Variants in GRB10 observed in about 807,000 individuals in gnomAD.
GRB10 encodes growth factor receptor bound protein 10.
A neutral mutation model predicts 80.9 loss-of-function variants in GRB10; 20 were observed. The observed-to-expected ratio is 0.25, with a 90% CI of 0.17 to 0.36. The LOEUF is 0.36. Among genes scored for constraint, GRB10 ranks in the 10% least tolerant of loss-of-function variants. GRB10 has a pLI of 1.00. For synonymous variants in GRB10, 291 were observed against 291.5 expected, an observed-to-expected ratio of 1.00 and a Z score of 0.02; for missense variants, 548 against 747.7, an observed-to-expected ratio of 0.73 and a Z score of 3.12.
At chr7:50,622,040 G>C (rs541018134) in intron 8 of GRB10, among the ~76,000 whole-genome samples, 6 of 152,268 alleles carry the variant, frequency 3.9e-5, no homozygotes, top group African/African-American at 1.2e-4. Flanking sequence ...GCCTCACATC[G>C]AGCTGCAGCC....
intron 13 of GRB10, among the ~76,000 whole-genome samples, chr7:50,612,227 C>G (rs1236770740): frequency 6.6e-6 from 1 of 152,140 alleles, no homozygotes; most frequent in African/African-American, 2.4e-5. Flanking sequence ...TTGGTTCAGT[C>G]GTGAAAATAA....
chr7:50,730,173 C>T (rs2069419391), intron 4 of GRB10, among the ~76,000 whole-genome samples: 1 of 152,148 alleles, frequency 6.6e-6, no homozygotes, highest in Non-Finnish European at 1.5e-5. Context: ...TGAAGTGGGT[C>T]ATCCCCAACC....
intron 3 of GRB10, among the ~76,000 whole-genome samples, chr7:50,749,757 C>A (rs2073789819): frequency 6.6e-6 from 1 of 152,180 alleles, no homozygotes; most frequent in South Asian, 2.1e-4. Context: ...TCAAAATAAC[C>A]ATTAACAGTA....
intron 3 of GRB10, among the ~76,000 whole-genome samples, chr7:50,739,311 C>T (rs555423970): frequency 1.7e-4 from 26 of 152,218 alleles, no homozygotes; most frequent in Non-Finnish European, 3.5e-4. Context: ...CTAACTGAAA[C>T]TCTAGAGTCT....
chr7:50,663,371 A>T (rs78778096), intron 7 of GRB10, among the ~76,000 whole-genome samples: 8,797 of 152,302 alleles, frequency 0.058, 324 homozygotes, highest in Middle Eastern at 0.13. Context: ...TGTAGGAAAT[A>T]GCCACAAGTG....
At chr7:50,744,607 C>G (rs2072535474) in intron 3 of GRB10, among the ~76,000 whole-genome samples, 1 of 152,168 alleles carries the variant, frequency 6.6e-6, no homozygotes, top group African/African-American at 2.4e-5. Flanking sequence ...GGGAGCACTT[C>G]CAGTTTCACT....
At chr7:50,600,104 C>A (rs917573691) in intron 17 of GRB10, among the ~76,000 whole-genome samples, 2 of 152,164 alleles carry the variant, frequency 1.3e-5, no homozygotes, top group Non-Finnish European at 2.9e-5. Flanking sequence ...TGCGCTGCCT[C>A]CCACACACGG....
At chr7:50,676,110 G>C (rs2060896249) in intron 5 of GRB10, among the ~76,000 whole-genome samples, 1 of 152,140 alleles carries the variant, frequency 6.6e-6, no homozygotes, top group Non-Finnish European at 1.5e-5. Flanking sequence ...TCTGCTCCCA[G>C]AATAGCTGCA....
chr7:50,781,214 C>T (rs2078235270), intron 1 of GRB10: 1 of 152,324 alleles, frequency 6.6e-6, no homozygotes, highest in African/African-American at 2.4e-5. Context: ...CTGAACCACA[C>T]TGCACTCACA....
chr7:50,628,519 G>A (rs979000060), intron 7 of GRB10, among the ~76,000 whole-genome samples: 5 of 151,912 alleles, frequency 3.3e-5, no homozygotes, highest in African/African-American at 4.8e-5. Flanking sequence ...GCTGTCACCC[G>A]GTGGGCAGGA....
intron 7 of GRB10, among the ~76,000 whole-genome samples, chr7:50,637,774 C>T (rs2055353396): frequency 6.6e-6 from 1 of 150,518 alleles, no homozygotes; most frequent in Admixed American, 6.6e-5. Flanking sequence ...AAGAACAAAG[C>T]CAGAGGTATT....
chr7:50,693,074 C>T lies in GRB10; in HGVS notation c.139+10747G>A, dbSNP rs71540257. Among the ~76,000 whole-genome samples, 644 of 152,222 alleles carry T rather than the reference C, an allele frequency of 4.2e-3. 4 individuals are homozygous for T. Among genetic ancestry groups the T allele is most frequent in the Non-Finnish European group, 6.6e-3 (448 of 68,012 alleles). On this transcript the variant is annotated intron_variant, in intron 5 of 18. Coordinates refer to ENST00000401949, the MANE Select transcript of GRB10 (RefSeq NM_001350814.2). ...ATTATGCATGATGGGTACATGCAAA[C>T]GAAGAATCTAAAGTGCAAAGTGATT... is the stretch of plus-strand genomic sequence containing the variant.
At chr7:50,727,645 ATTTGT>A (rs879447494) in intron 4 of GRB10, 9 of 152,184 alleles carry the variant, frequency 5.9e-5, no homozygotes, top group Non-Finnish European at 1.2e-4. Flanking sequence ...AATGCCATCT[ATTTGT>A]TTTAAGTGAA....
At chr7:50,615,235 G>A (rs538883239) in intron 11 of GRB10, among the ~76,000 whole-genome samples, 2 of 152,348 alleles carry the variant, frequency 1.3e-5, no homozygotes, top group Admixed American at 1.3e-4. Context: ...CCTTTGGTTT[G>A]TTGTGAGTCC....
intron 2 of GRB10, among the ~76,000 whole-genome samples, chr7:50,774,082 T>G (rs894788976): frequency 6.6e-6 from 1 of 152,232 alleles, no homozygotes; most frequent in African/African-American, 2.4e-5. Flanking sequence ...GAAAACATTA[T>G]GCTAAGTGAA....
intron 3 of GRB10, among the ~76,000 whole-genome samples, chr7:50,740,359 C>T (rs1418209592): frequency 6.6e-6 from 1 of 152,146 alleles, no homozygotes; most frequent in Non-Finnish European, 1.5e-5. Flanking sequence ...CAGTCTTGTT[C>T]CCTGCCATAC....
At chr7:50,702,945 A>G (rs1201623869) in intron 5 of GRB10, among the ~76,000 whole-genome samples, 1 of 152,256 alleles carries the variant, frequency 6.6e-6, no homozygotes, top group Middle Eastern at 3.2e-3. Context: ...GTGAGCATAC[A>G]ACGTAACACG....
At position 50,728,218 on chromosome 7, in the gene GRB10, G is replaced by A. The variant is rs1413381278; in HGVS notation, c.51+4054C>T. On this transcript the variant is annotated intron_variant, in intron 4 of 18. Transcript: ENST00000401949. ...AAATGTTCTTTAGCCAAAGTATGGG[G>A]GGGGGGTGTAGTACTTAAAAATGAA... 2.6e-5 allele frequency among the ~76,000 whole-genome samples: 4 copies of A among 151,398 alleles called. No homozygotes were observed. In the East Asian group the frequency reaches 7.9e-4, roughly 30 times the overall value.
At chr7:50,716,541 C>T (rs754361815) in intron 4 of GRB10, among the ~76,000 whole-genome samples, 5 of 151,758 alleles carry the variant, frequency 3.3e-5, no homozygotes, top group African/African-American at 7.3e-5. Flanking sequence ...AAACAGCAGG[C>T]GATATATTAA....
Sources: gnomAD v4.1 joint callset for allele counts (sites outside exome capture counted in the v4.1 genomes callset) on GRCh38, gnomAD v4.1.1 for gene constraint, MANE v1.5 for transcripts, NCBI Gene and HGNC (gene_info 2026-07-23, HGNC 2026-07-21) for gene names.